Variants in MBD5 observed in about 807,000 individuals in gnomAD.
MBD5 encodes methyl-CpG-binding domain protein 5.
MBD5 carries 13 observed loss-of-function variants against 117.3 expected under a neutral mutation model. The observed-to-expected ratio is 0.11, with a 90% confidence interval of 0.07 to 0.18. MBD5 has a LOEUF of 0.18. Ranked by LOEUF, MBD5 falls within the 10% of genes least tolerant of loss-of-function variation. The pLI is 1.00. For missense variants in MBD5, 1,879 were observed against 2,093.8 expected (o/e 0.90, Z 2.00); for synonymous variants, 727 against 766.4 (o/e 0.95, Z 0.85).
chr2:148,098,613 A>G (rs747961536), intron 1 of MBD5, among the ~76,000 whole-genome samples: 1 of 152,188 alleles, frequency 6.6e-6, no homozygotes, highest in Non-Finnish European at 1.5e-5. Context: ...AGCTTTTCAT[A>G]AATATCATAC....
chr2:148,152,800 T>G (rs1697723587), intron 1 of MBD5, among the ~76,000 whole-genome samples: 1 of 151,742 alleles, frequency 6.6e-6, no homozygotes, highest in African/African-American at 2.4e-5. Flanking sequence ...TGGTAGATCT[T>G]CCTCCATCCT....
intron 1 of MBD5, among the ~76,000 whole-genome samples, chr2:148,031,374 T>C (rs1229233937): frequency 6.6e-6 from 1 of 152,098 alleles, no homozygotes; most frequent in Admixed American, 6.5e-5. Flanking sequence ...GTAGAGTTAA[T>C]CACAGTGTGC....
At chr2:148,263,336 T>C (rs1700777042) in intron 3 of MBD5, among the ~76,000 whole-genome samples, 1 of 151,902 alleles carries the variant, frequency 6.6e-6, no homozygotes, top group African/African-American at 2.4e-5. Flanking sequence ...ATGTACACAG[T>C]TGTGGTGTGT....
intron 10 of MBD5, among the ~76,000 whole-genome samples, chr2:148,487,345 G>A (rs1459158220): frequency 2.0e-5 from 3 of 152,108 alleles, no homozygotes; most frequent in African/African-American, 7.2e-5. Flanking sequence ...AAAGAAAGAA[G>A]GAGGGGAGCA....
At chr2:148,131,922 G>A (rs1697059272) in intron 1 of MBD5, among the ~76,000 whole-genome samples, 2 of 152,236 alleles carry the variant, frequency 1.3e-5, no homozygotes, top group South Asian at 4.1e-4. Context: ...GTTTTCATGT[G>A]TGTGCTTTTT....
chr2:148,077,784 C>A (rs1695542631), intron 1 of MBD5, among the ~76,000 whole-genome samples: 1 of 152,042 alleles, frequency 6.6e-6, no homozygotes, highest in Admixed American at 6.5e-5. Context: ...GAAAAATCTG[C>A]AAAAGATGTG....
At chr2:148,252,111 A>G (rs927300568) in intron 3 of MBD5, among the ~76,000 whole-genome samples, 2 of 152,162 alleles carry the variant, frequency 1.3e-5, no homozygotes, top group African/African-American at 2.4e-5. Context: ...TCAGTGGATC[A>G]GGGGATAGTT....
chr2:148,486,044 G>C, intron 10 of MBD5, 94 bp downstream of exon 10: 6 of 1,166,180 alleles, frequency 5.1e-6, no homozygotes, highest in Non-Finnish European at 7.7e-6. Flanking sequence ...AGTAGGTTAC[G>C]TGCCCTTTCA....
intron 8 of MBD5, among the ~76,000 whole-genome samples, chr2:148,479,872 C>T (rs535086971): frequency 6.6e-6 from 1 of 152,008 alleles, no homozygotes; most frequent in African/African-American, 2.4e-5. Context: ...ACCTGTTATA[C>T]CTCTTAGCAT....
chr2:148,454,181 A>C (rs2105504191), intron 4 of MBD5, among the ~76,000 whole-genome samples: 1 of 152,260 alleles, frequency 6.6e-6, no homozygotes, highest in Admixed American at 6.5e-5. Context: ...CAGGAAGAAA[A>C]AAAGTGGTAA....
At chr2:148,351,613 A>G (rs1159231111) in intron 4 of MBD5, among the ~76,000 whole-genome samples, 1 of 151,950 alleles carries the variant, frequency 6.6e-6, no homozygotes, top group African/African-American at 2.4e-5. Flanking sequence ...TTATTTCTCT[A>G]TGAGTAGAAC....
intron 10 of MBD5, 34 bp downstream of exon 10, chr2:148,485,984 A>G (rs1395001529): frequency 6.3e-7 from 1 of 1,598,012 alleles, no homozygotes; most frequent in Non-Finnish European, 8.6e-7. Context: ...TTAGAAGAAA[A>G]CAATGTCTGA....
chr2:148,287,249 A>T (rs1333872743), intron 3 of MBD5, among the ~76,000 whole-genome samples: 2 of 152,210 alleles, frequency 1.3e-5, no homozygotes, highest in African/African-American at 4.8e-5. Context: ...GAAATCCCAC[A>T]TCTTTCCCAA....
intron 3 of MBD5, among the ~76,000 whole-genome samples, chr2:148,335,739 A>T (rs1247287632): frequency 1.3e-5 from 2 of 151,834 alleles, no homozygotes. Context: ...AATAATAATA[A>T]AATAATAATA....
chr2:148,460,049 A>G (rs1707020145), intron 5 of MBD5, among the ~76,000 whole-genome samples: 1 of 152,200 alleles, frequency 6.6e-6, no homozygotes. Context: ...TGCTGTTAAC[A>G]AAGTACCAGA....
intron 4 of MBD5, among the ~76,000 whole-genome samples, chr2:148,392,947 T>C (rs897831100): frequency 6.6e-6 from 1 of 152,158 alleles, no homozygotes; most frequent in African/African-American, 2.4e-5. Context: ...TTTAATGTCA[T>C]TGCAAATTGG....
At chr2:148,224,975 C>T (rs745763908) in intron 2 of MBD5, among the ~76,000 whole-genome samples, 4 of 152,158 alleles carry the variant, frequency 2.6e-5, no homozygotes, top group Middle Eastern at 3.4e-3. Flanking sequence ...GTGTATTTCT[C>T]ATAGGCAACA....
At chr2:148,491,009 G>C (rs1468011366) in intron 11 of MBD5, among the ~76,000 whole-genome samples, 4 of 152,210 alleles carry the variant, frequency 2.6e-5, no homozygotes, top group Non-Finnish European at 5.9e-5. Flanking sequence ...CCCAGGCAAT[G>C]GTTGCGCCAG....
intron 2 of MBD5, among the ~76,000 whole-genome samples, chr2:148,231,626 G>T (rs1699988528): frequency 6.6e-6 from 1 of 152,010 alleles, no homozygotes; most frequent in South Asian, 2.1e-4. Flanking sequence ...CTGCCATCTT[G>T]CCCTGCTTCA....
Sources: allele counts gnomAD v4.1 joint callset (sites outside exome capture counted in the v4.1 genomes callset), GRCh38; gene constraint gnomAD v4.1.1; transcripts MANE v1.5; gene names NCBI Gene and HGNC (gene_info 2026-07-23, HGNC 2026-07-21).